The following CD8B2 variants were observed in gnomAD, a reference collection of about 807,000 sequenced individuals.
CD8B2 encodes CD8B family member 2.
Under a neutral mutation model 23.7 loss-of-function variants are expected in CD8B2, and 11 were observed. The observed-to-expected ratio is 0.46, with a 90% confidence interval of 0.29 to 0.77. The LOEUF (loss-of-function observed/expected upper bound fraction) is 0.77. Among genes scored for constraint, CD8B2 ranks in the 30% least tolerant of loss-of-function variants. CD8B2 has a pLI of 0.09. For synonymous variants in CD8B2, 90 were observed against 109.3 expected (o/e 0.82, Z 1.10); for missense variants, 197 against 270.5 (o/e 0.73, Z 1.91).
intron 5 of CD8B2, among the ~76,000 whole-genome samples, chr2:106,506,520 G>A (rs1679508732): frequency 6.6e-6 from 1 of 151,334 alleles, no homozygotes; most frequent in African/African-American, 2.4e-5. Flanking sequence ...CATGATCCAG[G>A]CATGGAGAAA....
intron 5 of CD8B2, chr2:106,521,544 A>G (rs1369272278): frequency 6.6e-6 from 1 of 152,156 alleles, no homozygotes; most frequent in African/African-American, 2.4e-5. Context: ...TTTATTCTTA[A>G]CTCTTATATC....
rs578188486 is a variant in CD8B2, at chr2:106,489,366, G to A, written c.44-1508G>A. ...GGTCCAGGAGCGAAGTCAAAAAGTC[G>A]AAGTTCATTTCATCAGTGTTGGAGA... On this transcript the variant is annotated intron_variant, in intron 1 of 5. Transcript: ENST00000643224. Among the ~76,000 whole-genome samples, 19 of 151,652 alleles carry A rather than the reference G, an allele frequency of 1.3e-4. No individual in the cohort carries two copies. In the East Asian group the frequency reaches 3.7e-3, roughly 30 times the overall value.
chr2:106,534,613 G>A (rs768254483), intron 5 of CD8B2, among the ~76,000 whole-genome samples: 2 of 152,086 alleles, frequency 1.3e-5, no homozygotes, highest in Non-Finnish European at 2.9e-5. Flanking sequence ...GGGGAACGCC[G>A]GGTTCCCAGG....
chr2:106,539,466 C>G (rs1680140003), intron 5 of CD8B2, among the ~76,000 whole-genome samples: 1 of 152,134 alleles, frequency 6.6e-6, no homozygotes, highest in African/African-American at 2.4e-5. Flanking sequence ...AGTTGATGTA[C>G]TTGGGACACA....
intron 3 of CD8B2, among the ~76,000 whole-genome samples, chr2:106,499,579 G>A (rs1011892540): frequency 1.3e-4 from 19 of 148,796 alleles, no homozygotes; most frequent in Admixed American, 4.7e-4. Flanking sequence ...TTTGCATACC[G>A]CAAAGTTCAC....
At chr2:106,506,054 G>C (rs1271146800) in intron 5 of CD8B2, among the ~76,000 whole-genome samples, 1 of 152,060 alleles carries the variant, frequency 6.6e-6, no homozygotes, top group African/African-American at 2.4e-5. Context: ...AGAATCGCTT[G>C]AACCCCGGAG....
At chr2:106,493,698 T>G (rs1679240616) in intron 2 of CD8B2, among the ~76,000 whole-genome samples, 1 of 152,208 alleles carries the variant, frequency 6.6e-6, no homozygotes, top group South Asian at 2.1e-4. Flanking sequence ...GCACCTAAAG[T>G]GTTCAACTTT....
At chr2:106,544,128 G>A (rs1573356545) in exon 6 of CD8B2, 1 of 398,522 alleles carries the variant, frequency 2.5e-6, no homozygotes, top group East Asian at 3.6e-5. Context: ...GGACTTGGTG[G>A]AGTATGGTTG....
chr2:106,514,184 G>T (rs1473101003), downstream of CD8B2, among the ~76,000 whole-genome samples: 9 of 149,434 alleles, frequency 6.0e-5, no homozygotes, highest in African/African-American at 2.2e-4. Context: ...GGGAGAGGGA[G>T]TAATACTGTC....
At chr2:106,505,624 G>A (rs1297462879) in intron 5 of CD8B2, among the ~76,000 whole-genome samples, 1 of 152,170 alleles carries the variant, frequency 6.6e-6, no homozygotes, top group African/African-American at 2.4e-5. Flanking sequence ...ATTGTAAATA[G>A]CCATATAAAT....
At chr2:106,499,029 T>C (rs1679349794) in intron 3 of CD8B2, among the ~76,000 whole-genome samples, 1 of 152,044 alleles carries the variant, frequency 6.6e-6, no homozygotes, top group Non-Finnish European at 1.5e-5. Context: ...TTGGTGTGGC[T>C]CTGGCAAATG....
chr2:106,488,608 G>A (rs944818500), intron 1 of CD8B2, among the ~76,000 whole-genome samples: 3 of 152,224 alleles, frequency 2.0e-5, no homozygotes, highest in African/African-American at 4.8e-5. Context: ...ATCGGGGAGA[G>A]GATTGCAGGT....
At chr2:106,538,294 T>C (rs1573353837) in intron 5 of CD8B2, among the ~76,000 whole-genome samples, 1 of 152,294 alleles carries the variant, frequency 6.6e-6, no homozygotes, top group East Asian at 1.9e-4. Context: ...AAGGGGAATT[T>C]TGAGATGGAG....
intron 3 of CD8B2, among the ~76,000 whole-genome samples, chr2:106,501,613 C>A (rs1367511726): frequency 6.6e-6 from 1 of 152,084 alleles, no homozygotes; most frequent in East Asian, 1.9e-4. Context: ...ACCCAGAAGG[C>A]GGAGGTTGCA....
downstream of CD8B2, among the ~76,000 whole-genome samples, chr2:106,515,201 C>G (rs1679710629): frequency 1.3e-5 from 2 of 152,244 alleles, no homozygotes; most frequent in Non-Finnish European, 2.9e-5. Context: ...CAAGATGGGA[C>G]AGATGAGCAT....
At chr2:106,500,521 AAAATAAAT>A (rs61641919) in intron 3 of CD8B2, among the ~76,000 whole-genome samples, 1,938 of 143,378 alleles carry the variant, frequency 0.014, 7 homozygotes, top group East Asian at 0.1. Context: ...CTCCGTCTCA[AAAATAAAT>A]AAATAAATAA....
intron 5 of CD8B2, among the ~76,000 whole-genome samples, chr2:106,536,129 G>T (rs529962874): frequency 6.6e-6 from 1 of 151,810 alleles, no homozygotes; most frequent in South Asian, 2.1e-4. Flanking sequence ...CTGCCTCCAG[G>T]GTTCAAGCGA....
At chr2:106,528,503 A>G (rs1679946778) in intron 5 of CD8B2, among the ~76,000 whole-genome samples, 1 of 152,208 alleles carries the variant, frequency 6.6e-6, no homozygotes, top group South Asian at 2.1e-4. Context: ...TTCCAGCACC[A>G]CTTATTGAAA....
At chr2:106,503,838 C>G (rs1679457828) in intron 4 of CD8B2, among the ~76,000 whole-genome samples, 1 of 152,224 alleles carries the variant, frequency 6.6e-6, no homozygotes, top group African/African-American at 2.4e-5. Flanking sequence ...CTTTTATTTT[C>G]TTCCTAACTC....
Sources: allele counts gnomAD v4.1 joint callset (sites outside exome capture counted in the v4.1 genomes callset), GRCh38; gene constraint gnomAD v4.1.1; transcripts MANE v1.5; gene names NCBI Gene and HGNC (gene_info 2026-07-23, HGNC 2026-07-21).